The following GNG4 variants were observed in gnomAD, a reference collection of about 807,000 sequenced individuals.
GNG4 encodes the protein G protein subunit gamma 4.
Under a neutral mutation model 5.8 loss-of-function variants are expected in GNG4, and 4 were observed. The observed-to-expected ratio is 0.69, with a 90% CI of 0.34 to 1.57. The LOEUF (loss-of-function observed/expected upper bound fraction) is 1.57, where lower values mean the gene tolerates loss of function less well. GNG4 is among the 40% of genes most tolerant of loss of function. The pLI is 0.06. For synonymous variants in GNG4, 29 were observed against 32.9 expected (o/e 0.88, Z 0.41); for missense variants, 96 against 95.1 (o/e 1.01, Z -0.04).
chr1:235,600,951 G>A (rs528467668), intron 1 of GNG4, among the ~76,000 whole-genome samples: 18 of 152,346 alleles, frequency 1.2e-4, no homozygotes, highest in Non-Finnish European at 1.8e-4. Flanking sequence ...CGGGCACGCC[G>A]TAGCCAGTCC....
intron 3 of GNG4, among the ~76,000 whole-genome samples, chr1:235,579,604 A>C (rs1385710224): frequency 6.6e-6 from 1 of 151,920 alleles, no homozygotes; most frequent in African/African-American, 2.4e-5. Context: ...TAATCCCAGC[A>C]CTTAGAGAGG....
chr1:235,591,577 T>C (rs909475603), intron 2 of GNG4, among the ~76,000 whole-genome samples: 15 of 152,208 alleles, frequency 9.9e-5, no homozygotes, highest in South Asian at 2.1e-4. Flanking sequence ...TGTACTTCCA[T>C]GGGGACTCAG....
chr1:235,620,425 CTTAGTG>C (rs1320552557), intron 1 of GNG4, among the ~76,000 whole-genome samples: 1 of 152,208 alleles, frequency 6.6e-6, no homozygotes, highest in African/African-American at 2.4e-5. Context: ...CTAGTCGGAA[CTTAGTG>C]GGGCTGGAGA....
At chr1:235,628,774 G>C (rs986520170) in intron 1 of GNG4, among the ~76,000 whole-genome samples, 1 of 152,210 alleles carries the variant, frequency 6.6e-6, no homozygotes, top group Non-Finnish European at 1.5e-5. Flanking sequence ...GCAGGTGCTA[G>C]GTGGTGGCCC....
intron 1 of GNG4, among the ~76,000 whole-genome samples, chr1:235,596,034 C>T (rs1688113767): frequency 1.3e-5 from 2 of 151,814 alleles, no homozygotes; most frequent in South Asian, 2.1e-4. Flanking sequence ...ATTAGCCAGG[C>T]GTGATGGTGG....
At position 235,580,751 on chromosome 1, in the gene GNG4, T is replaced by TG. The variant is rs202186857; in HGVS notation, c.99+2988_99+2989insC. ...GGCGGCCTATCCCGTTTTTTGTTTT[T>TG]TTTTTTTTTTTTTTCCTGAGATGGG... On this transcript the variant is annotated intron_variant, in intron 3 of 3. Transcript: ENST00000391854. Among the ~76,000 whole-genome samples the TG allele has an allele frequency of 3.6e-4, 53 of 146,540 alleles. 2 individuals are homozygous for TG. The East Asian group carries it at 9.4e-3, about 26-fold the overall frequency.
intron 1 of GNG4, among the ~76,000 whole-genome samples, chr1:235,604,956 G>C (rs989605800): frequency 2.0e-5 from 3 of 152,078 alleles, no homozygotes; most frequent in African/African-American, 7.2e-5. Context: ...CAGGGTGATG[G>C]GAGCATGAAC....
At chr1:235,602,091 G>A (rs935266650) in intron 1 of GNG4, among the ~76,000 whole-genome samples, 5 of 152,164 alleles carry the variant, frequency 3.3e-5, no homozygotes, top group African/African-American at 1.2e-4. Flanking sequence ...GGCCAACATA[G>A]TGAAACCCCG....
chr1:235,593,936 T>G (rs759322352), intron 2 of GNG4, among the ~76,000 whole-genome samples: 1 of 152,196 alleles, frequency 6.6e-6, no homozygotes, highest in African/African-American at 2.4e-5. Context: ...CCCAAGCAGA[T>G]TACCCCAGCT....
At chr1:235,641,688 C>A (rs976525671) in intron 1 of GNG4, among the ~76,000 whole-genome samples, 1 of 152,088 alleles carries the variant, frequency 6.6e-6, no homozygotes, top group African/African-American at 2.4e-5. Context: ...AAGACTCCAC[C>A]TAAAAATATA....
chr1:235,577,141 G>C (rs1687502946), intron 3 of GNG4, among the ~76,000 whole-genome samples: 1 of 152,142 alleles, frequency 6.6e-6, no homozygotes, highest in Admixed American at 6.5e-5. Flanking sequence ...AAGCTACAGA[G>C]CCTGGTGGTG....
chr1:235,567,280 T>C (rs1412908476), intron 3 of GNG4, among the ~76,000 whole-genome samples: 1 of 152,168 alleles, frequency 6.6e-6, no homozygotes, highest in Non-Finnish European at 1.5e-5. Flanking sequence ...CAAATATATG[T>C]GTACATATAT....
chr1:235,620,597 G>A (rs181540009), intron 1 of GNG4, among the ~76,000 whole-genome samples: 4 of 152,102 alleles, frequency 2.6e-5, no homozygotes, highest in African/African-American at 4.8e-5. Flanking sequence ...GTGCAGTGGC[G>A]TGATCTCGGC....
chr1:235,568,034 C>G (rs79373535), intron 3 of GNG4, among the ~76,000 whole-genome samples: 9 of 152,178 alleles, frequency 5.9e-5, no homozygotes, highest in African/African-American at 2.2e-4. Context: ...TGTAACTGCA[C>G]GAACCCCCTC....
At chr1:235,569,713 G>A (rs776322734) in intron 3 of GNG4, among the ~76,000 whole-genome samples, 9 of 151,564 alleles carry the variant, frequency 5.9e-5, no homozygotes, top group Admixed American at 2.0e-4. Flanking sequence ...GATTACAGGC[G>A]CCCACCACTA....
At chr1:235,554,253 C>T (rs1686834467) in intron 3 of GNG4, among the ~76,000 whole-genome samples, 1 of 152,206 alleles carries the variant, frequency 6.6e-6, no homozygotes, top group South Asian at 2.1e-4. Context: ...AGTGCCCTCC[C>T]CAACTGCTGG....
intron 1 of GNG4, among the ~76,000 whole-genome samples, chr1:235,601,467 A>G (rs1688257357): frequency 6.6e-6 from 1 of 152,096 alleles, no homozygotes; most frequent in African/African-American, 2.4e-5. Context: ...TAGCATCTAC[A>G]TTGCTTTCTA....
intron 2 of GNG4, among the ~76,000 whole-genome samples, chr1:235,595,014 C>T (rs1171564746): frequency 6.6e-6 from 1 of 152,170 alleles, no homozygotes; most frequent in East Asian, 1.9e-4. Context: ...GAGTGGTGGA[C>T]CTCCTTTCAT....
chr1:235,646,237 T>C (rs1227341626), intron 1 of GNG4, among the ~76,000 whole-genome samples: 9 of 152,244 alleles, frequency 5.9e-5, no homozygotes, highest in Non-Finnish European at 1.3e-4. Flanking sequence ...AAGGAGCTCA[T>C]GTGCAGTGCC....
Sources: allele counts gnomAD v4.1 joint callset (sites outside exome capture counted in the v4.1 genomes callset), GRCh38; gene constraint gnomAD v4.1.1; transcripts MANE v1.5; gene names NCBI Gene and HGNC (gene_info 2026-07-23, HGNC 2026-07-21).